The following NFATC2 variants were observed in gnomAD, a reference collection of about 807,000 sequenced individuals.
NFATC2 encodes nuclear factor of activated T-cells, cytoplasmic 2.
NFATC2 carries 22 observed loss-of-function variants against 87.3 expected under a neutral mutation model. The observed-to-expected ratio is 0.25, with a 90% CI of 0.18 to 0.36. NFATC2 has a LOEUF of 0.36. NFATC2 is among the 10% of genes least tolerant of loss of function. The probability of loss-of-function intolerance (pLI) is 1.00; values close to 1 mark genes in which losing one functional copy is unlikely to be tolerated. For missense variants in NFATC2, 1,149 were observed against 1,259.1 expected (o/e 0.91, Z 1.32); for synonymous variants, 565 against 542.2 (o/e 1.04, Z -0.58).
chr20:51,472,369 A>G (rs757552026), intron 5 of NFATC2, among the ~76,000 whole-genome samples: 2 of 152,130 alleles, frequency 1.3e-5, no homozygotes, highest in Non-Finnish European at 1.5e-5. Context: ...AATGTCCCCA[A>G]TCTCCACTAT....
intron 9 of NFATC2, among the ~76,000 whole-genome samples, chr20:51,402,457 G>T (rs1988147493): frequency 6.9e-6 from 1 of 144,024 alleles, no homozygotes. Context: ...CACAAGCCCT[G>T]CAAAATAACT....
At chr20:51,559,120 G>A (rs1470675807) in intron 1 of NFATC2, among the ~76,000 whole-genome samples, 1 of 152,202 alleles carries the variant, frequency 6.6e-6, no homozygotes, top group Non-Finnish European at 1.5e-5. Context: ...CCAGGAGGAG[G>A]GGTCCCTGGG....
intron 3 of NFATC2, among the ~76,000 whole-genome samples, chr20:51,489,138 C>T (rs898698503): frequency 6.6e-6 from 1 of 152,198 alleles, no homozygotes; most frequent in African/African-American, 2.4e-5. Context: ...TGCAGTGAGC[C>T]AAGATCGTGC....
chr20:51,391,038 C>T lies in NFATC2; in HGVS notation c.*458G>A. On this transcript the variant is annotated 3_prime_UTR_variant, in exon 11 of 11. Transcript: ENST00000371564. ...TGGGGTTTAATCACAGTGCCCACAT[C>T]TTCTGTCCCCCGTCCATCCCCCCAA... 1 of 407,152 alleles carries T rather than the reference C, an allele frequency of 2.5e-6. No individual in the cohort carries two copies. The highest frequency in any genetic ancestry group is 2.1e-5 in the South Asian group (1 of 47,642). The allele number at this position is 407,152 out of a possible 1,614,324, so 25.2% of individuals were successfully genotyped here.
intron 1 of NFATC2, among the ~76,000 whole-genome samples, chr20:51,558,969 G>C (rs1332928575): frequency 6.6e-6 from 1 of 152,194 alleles, no homozygotes; most frequent in Non-Finnish European, 1.5e-5. Context: ...GCCTCAGGGG[G>C]CTTGTAATCT....
intron 6 of NFATC2, among the ~76,000 whole-genome samples, chr20:51,446,302 A>G (rs1363773319): frequency 1.3e-5 from 2 of 152,232 alleles, no homozygotes; most frequent in Non-Finnish European, 2.9e-5. Context: ...AGGCTCCCAG[A>G]GTGCAGGTAG....
chr20:51,429,313 G>A (rs1222074221), intron 9 of NFATC2, among the ~76,000 whole-genome samples: 1 of 152,254 alleles, frequency 6.6e-6, no homozygotes, highest in African/African-American at 2.4e-5. Context: ...GGGGTGGGCA[G>A]AGCCTTGGAG....
rs2077040183 is a variant in NFATC2 at position 51,562,358 on chromosome 20, C to T, written c.70+202G>A. Among the ~76,000 whole-genome samples, 1 of 152,228 alleles carries T rather than the reference C, an allele frequency of 6.6e-6. No homozygotes were observed. Among genetic ancestry groups the T allele is most frequent in the African/African-American group, 2.4e-5 (1 of 41,480 alleles). ...CCCCGCGTAAAGTTGTCCAAAGTCG[C>T]CTTCCCAAGTGTCCCTTCCCTGGCC... is the stretch of plus-strand genomic sequence containing the variant. On this transcript the variant is annotated intron_variant, in intron 1 of 10. Transcript: ENST00000414705. The surrounding 1 kb of genome is among the most constrained non-coding windows in gnomAD (Gnocchi z 5.8).
intron 6 of NFATC2, 26 bp downstream of exon 6, chr20:51,454,522 G>C (rs1249109613): frequency 6.2e-7 from 1 of 1,612,894 alleles, no homozygotes; most frequent in Non-Finnish European, 8.5e-7. Flanking sequence ...CTGGGGGACA[G>C]AGAAAGAGCT....
chr20:51,548,459 T>C (rs2076907442), intron 1 of NFATC2, among the ~76,000 whole-genome samples: 1 of 152,248 alleles, frequency 6.6e-6, no homozygotes. Context: ...GATATTTGTC[T>C]GTTTTCTTCC....
chr20:51,454,762 G>A, intron 5 of NFATC2, 74 bp from the exon 6 acceptor site: 2 of 1,538,500 alleles, frequency 1.3e-6, no homozygotes, highest in Non-Finnish European at 1.8e-6. Flanking sequence ...TGATTTCATG[G>A]TACTGAGATA....
chr20:51,393,033 C>T (rs569927844), intron 10 of NFATC2, among the ~76,000 whole-genome samples: 188 of 152,342 alleles, frequency 1.2e-3, no homozygotes, highest in Non-Finnish European at 2.2e-3. Flanking sequence ...ACATAGGTAA[C>T]AGTGCCCAGC....
At chr20:51,535,004 G>A (rs1208077901) in intron 1 of NFATC2, among the ~76,000 whole-genome samples, 1 of 152,140 alleles carries the variant, frequency 6.6e-6, no homozygotes, top group Non-Finnish European at 1.5e-5. Flanking sequence ...TCACCTTGCT[G>A]AACTCCCTCC....
At chr20:51,401,412 A>C (rs1198437483) in intron 9 of NFATC2, among the ~76,000 whole-genome samples, 1 of 152,178 alleles carries the variant, frequency 6.6e-6, no homozygotes, top group Admixed American at 6.5e-5. Flanking sequence ...TGGTCCCCTA[A>C]AGAAGATGGA....
At chr20:51,448,671 GA>G (rs753645869) in intron 6 of NFATC2, among the ~76,000 whole-genome samples, 4 of 152,126 alleles carry the variant, frequency 2.6e-5, no homozygotes, top group Non-Finnish European at 5.9e-5. Context: ...GAAAAGAAAA[GA>G]AATGGTGGAG....
chr20:51,525,982 C>T (rs1054695010), intron 1 of NFATC2, among the ~76,000 whole-genome samples: 1 of 143,538 alleles, frequency 7.0e-6, no homozygotes, highest in Non-Finnish European at 1.5e-5. Flanking sequence ...CCAACCTCTT[C>T]GCCGTACTTA....
chr20:51,525,983 G>A (rs915867022), intron 1 of NFATC2, among the ~76,000 whole-genome samples: 7 of 124,142 alleles, frequency 5.6e-5, no homozygotes, highest in African/African-American at 1.3e-4. Flanking sequence ...CAACCTCTTC[G>A]CCGTACTTAA....
At chr20:51,435,115 G>A in intron 8 of NFATC2, 73 bp downstream of exon 8, 1 of 1,570,938 alleles carries the variant, frequency 6.4e-7, no homozygotes. Flanking sequence ...GCTAGGAGCA[G>A]ACTTCAGGAG....
At position 51,480,734 on chromosome 20, in the gene NFATC2, C is replaced by G. The variant is rs540602899; in HGVS notation, c.1333-5074G>C. The stretch of plus-strand genomic sequence containing the variant: ...CAGATAAAAAGGAGACATCACCCCC[C>G]ACCCTGCAGGCCTCTTCTGAAAGGC... On this transcript the variant is annotated intron_variant, in intron 3 of 10. Transcript: ENST00000371564. The surrounding 1 kb of genome is among the most constrained non-coding windows in gnomAD (Gnocchi z 4.2). 6.6e-6 allele frequency among the ~76,000 whole-genome samples: 1 copy of G among 152,226 alleles called. No homozygotes were observed. Among genetic ancestry groups the G allele is most frequent in the Non-Finnish European group, 1.5e-5 (1 of 68,044 alleles).
Sources: gnomAD v4.1 joint callset for allele counts (sites outside exome capture counted in the v4.1 genomes callset) on GRCh38, gnomAD v4.1.1 for gene constraint, Gnocchi (gnomAD v3.1) non-coding constraint, MANE v1.5 for transcripts, NCBI Gene and HGNC (gene_info 2026-07-23, HGNC 2026-07-21) for gene names.